The following RNF43 variants were observed in gnomAD, a reference collection of about 807,000 sequenced individuals.
The protein encoded by RNF43 is ring finger protein 43.
Under a neutral mutation model 78.4 loss-of-function variants are expected in RNF43, and 37 were observed. The observed-to-expected ratio is 0.47, with a 90% CI of 0.36 to 0.62. RNF43 has a LOEUF of 0.62. RNF43 is among the 20% of genes least tolerant of loss of function. The probability of loss-of-function intolerance (pLI) is 0.00; values close to 1 mark genes in which losing one functional copy is unlikely to be tolerated. For synonymous variants in RNF43, 347 were observed against 395.0 expected (o/e 0.88, Z 1.44); for missense variants, 774 against 1,007.9 (o/e 0.77, Z 3.14).
At chr17:58,364,001 G>A (rs1309516678) in intron 3 of RNF43, among the ~76,000 whole-genome samples, 1 of 152,170 alleles carries the variant, frequency 6.6e-6, no homozygotes, top group Non-Finnish European at 1.5e-5. Context: ...CCCTTAGAAG[G>A]AGAAGAGAGA....
intron 8 of RNF43, 149 bp downstream of exon 8, chr17:58,360,000 G>T: frequency 2.1e-6 from 1 of 465,138 alleles, no homozygotes; most frequent in East Asian, 3.2e-5. Flanking sequence ...CCCCTCGAGT[G>T]AGGCACTCTG....
downstream of RNF43, chr17:58,353,112 T>C (rs564484830): frequency 1.9e-5 from 4 of 205,928 alleles, no homozygotes; most frequent in Middle Eastern, 1.5e-3. Context: ...GAGAGGAGCT[T>C]TGGGATATAA....
intron 2 of RNF43, among the ~76,000 whole-genome samples, chr17:58,382,333 G>C (rs1973337034): frequency 6.6e-6 from 1 of 152,118 alleles, no homozygotes; most frequent in African/African-American, 2.4e-5. Flanking sequence ...AATGCATGTT[G>C]AATCATCTGT....
chr17:58,406,955 G>C (rs1034184338), intron 2 of RNF43, among the ~76,000 whole-genome samples: 1 of 151,060 alleles, frequency 6.6e-6, no homozygotes, highest in Non-Finnish European at 1.5e-5. Flanking sequence ...TAAAATTACA[G>C]TTGTATTATA....
chr17:58,367,717 G>T (rs896256221), intron 3 of RNF43, among the ~76,000 whole-genome samples: 5 of 152,178 alleles, frequency 3.3e-5, no homozygotes, highest in Admixed American at 2.6e-4. Flanking sequence ...AGGGTGGAGG[G>T]GATAGTGGGG....
chr17:58,358,322 A>C lies in RNF43; in HGVS notation c.1454T>G (p.Ile485Ser). 1 of 1,614,118 alleles carries C rather than the reference A, an allele frequency of 6.2e-7. No individual in the cohort carries two copies. The highest frequency in any genetic ancestry group is 8.5e-7 in the Non-Finnish European group (1 of 1,180,014). ...GCTGCCATGGACCCCCTGTAGGCTG[A>C]TGTCCGTGCAGTTGACCACAGAGTC... ...SSDSVVNCTD[I>S]SLQGVHGSSS... is the part of the protein sequence containing the mutation. The change falls in exon 9 of 10, where the codon ATC (isoleucine) becomes AGC (serine). Residue 485 changes from isoleucine (I) to serine (S), a missense_variant. Physicochemically the swap from Ile to Ser is moderately radical, Grantham distance 142. Coordinates refer to ENST00000407977, the MANE Select transcript of RNF43 (RefSeq NM_017763.6). This position sits in a 1 kb window ranked among gnomAD's most constrained non-coding sequence, Gnocchi z 6.2.
rs2143408470 is a variant in RNF43, at chr17:58,358,226, G to T, written c.1550C>A (p.Pro517His). The T allele has an allele frequency of 6.2e-7, 1 of 1,613,722 alleles. No homozygotes were observed. Among genetic ancestry groups the T allele is most frequent in the Non-Finnish European group, 8.5e-7 (1 of 1,179,804 alleles). The change falls in exon 9 of 10, where the codon CCC becomes CAC. Residue 517 changes from proline to histidine, a missense_variant. Coordinates refer to ENST00000407977, the MANE Select transcript of RNF43 (RefSeq NM_017763.6). This position sits in a 1 kb window ranked among gnomAD's most constrained non-coding sequence, Gnocchi z 6.2. ...ACTAGGCTGCATGTCCACTCGCTGG[G>T]GATCCCCTTTAGGGCTGCAGTACAC... ...PLVYCSPKGD[P>H]QRVDMQPSVT...
Position 58,369,960 on chromosome 17 carries a change from C to A in RNF43, c.375+951G>T, listed in dbSNP as rs149069301. Among the ~76,000 whole-genome samples the A allele has an allele frequency of 3.6e-3, 544 of 152,058 alleles. 3 individuals are homozygous for A. Among genetic ancestry groups the A allele is most frequent in the African/African-American group, 0.012 (517 of 41,430 alleles). The stretch of plus-strand genomic sequence containing the variant: ...GGTGGAGCATAGCAAAAGAGAAGGC[C>A]CACAGCTGTGGAAAAGGGGCAGCCC... On this transcript the variant is annotated intron_variant, in intron 3 of 9. Transcript: ENST00000407977.
intron 3 of RNF43, among the ~76,000 whole-genome samples, chr17:58,367,339 G>A (rs921474532): frequency 2.0e-5 from 3 of 151,942 alleles, no homozygotes; most frequent in African/African-American, 7.3e-5. Context: ...ATGTGTTTCC[G>A]ACATGTGATT....
chr17:58,412,836 A>T (rs1020278970), intron 2 of RNF43, among the ~76,000 whole-genome samples: 6 of 150,128 alleles, frequency 4.0e-5, no homozygotes, highest in Non-Finnish European at 7.4e-5. Flanking sequence ...TTTTTTTTTT[A>T]AATCACTGTT....
rs145324268 is a variant in RNF43 at position 58,373,400 on chromosome 17, G to A, written c.253-2367C>T. Among the ~76,000 whole-genome samples, 178 of 152,246 alleles carry A rather than the reference G, an allele frequency of 1.2e-3. 1 individual carries two copies. The highest frequency in any genetic ancestry group is 1.8e-3 in the Admixed American group (28 of 15,296). On this transcript the variant is annotated intron_variant, in intron 2 of 9. Coordinates refer to ENST00000407977, the MANE Select transcript of RNF43 (RefSeq NM_017763.6). ...TGAGCCACCAAACTTGCCTGGTTCC[G>A]AATTAACAACTATGGAAGAAGGAAT...
chr17:58,383,280 GT>G (rs1567886246), intron 2 of RNF43, among the ~76,000 whole-genome samples: 1 of 151,970 alleles, frequency 6.6e-6, no homozygotes, highest in South Asian at 2.1e-4. Context: ...TGAAGCCCAA[GT>G]TTTTTTGTTT....
At chr17:58,372,323 G>A (rs527468966) in intron 2 of RNF43, among the ~76,000 whole-genome samples, 1 of 152,204 alleles carries the variant, frequency 6.6e-6, no homozygotes, top group African/African-American at 2.4e-5. Context: ...TCTCTGGGCA[G>A]GGGGTGTTGA....
chr17:58,395,167 A>C (rs1973650661), intron 2 of RNF43, among the ~76,000 whole-genome samples: 1 of 152,248 alleles, frequency 6.6e-6, no homozygotes, highest in African/African-American at 2.4e-5. Context: ...GTACCTAGCA[A>C]AACTAGCAAA....
intron 2 of RNF43, among the ~76,000 whole-genome samples, chr17:58,379,966 C>T (rs1027118341): frequency 2.0e-5 from 3 of 152,056 alleles, no homozygotes; most frequent in Non-Finnish European, 2.9e-5. Context: ...AGAGGGAGCC[C>T]GTCAAATATC....
chr17:58,413,434 C>T (rs759571050), intron 2 of RNF43, among the ~76,000 whole-genome samples: 1 of 152,022 alleles, frequency 6.6e-6, no homozygotes, highest in Non-Finnish European at 1.5e-5. Context: ...AAGACCTAAA[C>T]GAAGCATATG....
intron 2 of RNF43, among the ~76,000 whole-genome samples, chr17:58,403,632 C>T (rs1276730852): frequency 6.6e-6 from 1 of 152,016 alleles, no homozygotes; most frequent in Non-Finnish European, 1.5e-5. Flanking sequence ...AGTTTTCCAA[C>T]TCTGGGAATA....
At chr17:58,373,133 T>C (rs1361676381) in intron 2 of RNF43, among the ~76,000 whole-genome samples, 1 of 152,212 alleles carries the variant, frequency 6.6e-6, no homozygotes, top group Non-Finnish European at 1.5e-5. Context: ...CAGAAGGTTC[T>C]GCTCTGCTTG....
intron 2 of RNF43, among the ~76,000 whole-genome samples, chr17:58,395,247 C>T (rs1973653001): frequency 6.6e-6 from 1 of 152,178 alleles, no homozygotes; most frequent in Non-Finnish European, 1.5e-5. Flanking sequence ...GCCAAATAGT[C>T]TGTCATAGCA....
Sources: gnomAD v4.1 joint callset for allele counts (sites outside exome capture counted in the v4.1 genomes callset) on GRCh38, gnomAD v4.1.1 for gene constraint, Gnocchi (gnomAD v3.1) non-coding constraint, MANE v1.5 for transcripts, NCBI Gene and HGNC (gene_info 2026-07-23, HGNC 2026-07-21) for gene names.